FAM168A: variants seen among roughly 807,000 people sequenced by gnomAD.
FAM168A encodes protein FAM168A.
In FAM168A, 3 loss-of-function variants were observed where a neutral mutation model predicts 28.5. The ratio of observed to expected loss-of-function variants is 0.11; its 90% CI spans 0.05 to 0.27. FAM168A has a LOEUF of 0.27. Ranked by LOEUF, FAM168A falls within the 10% of genes least tolerant of loss-of-function variation. The probability of loss-of-function intolerance (pLI) is 1.00; values close to 1 mark genes in which losing one functional copy is unlikely to be tolerated. For missense variants in FAM168A, 222 were observed against 311.5 expected, an observed-to-expected ratio of 0.71 and a Z score of 2.16; for synonymous variants, 122 against 124.2, an observed-to-expected ratio of 0.98 and a Z score of 0.12.
intron 1 of FAM168A, among the ~76,000 whole-genome samples, chr11:73,582,091 C>T (rs984873478): frequency 2.0e-5 from 3 of 152,102 alleles, no homozygotes; most frequent in African/African-American, 2.4e-5. Flanking sequence ...TACTCATCTC[C>T]GTGTATCATC....
intron 2 of FAM168A, among the ~76,000 whole-genome samples, chr11:73,444,909 T>C (rs1867271401): frequency 6.6e-6 from 1 of 152,208 alleles, no homozygotes; most frequent in African/African-American, 2.4e-5. Context: ...CTCTATTTTT[T>C]CTAAAATGAG....
In FAM168A at chr11:73,462,416, A is replaced by G. The variant is rs189539430; in HGVS notation, c.70+5989T>C. On this transcript the variant is annotated intron_variant, in intron 2 of 7. Coordinates refer to ENST00000356467, the MANE Select transcript of FAM168A (RefSeq NM_015159.3). ...AGTCAAATTCATAAAGATAATAAGT[A>G]GGTTGGTGATTGCCAGGAGCTGGGG... Among the ~76,000 whole-genome samples, 395 of 152,302 alleles carry G rather than the reference A, an allele frequency of 2.6e-3. 10 individuals carry two copies. The highest frequency in any genetic ancestry group is 0.024 in the Admixed American group (367 of 15,300).
At chr11:73,464,352 TAA>T (rs377420678) in intron 2 of FAM168A, among the ~76,000 whole-genome samples, 84 of 143,116 alleles carry the variant, frequency 5.9e-4, no homozygotes, top group African/African-American at 8.7e-4. Flanking sequence ...AACACTGGTT[TAA>T]AAAAAAAAAA....
intron 1 of FAM168A, among the ~76,000 whole-genome samples, chr11:73,539,855 G>A (rs1565289299): frequency 6.6e-6 from 1 of 152,246 alleles, no homozygotes. Flanking sequence ...GGTCTTATAA[G>A]GATGGAGGAT....
intron 1 of FAM168A, among the ~76,000 whole-genome samples, chr11:73,534,509 T>C (rs760557299): frequency 6.6e-6 from 1 of 151,858 alleles, no homozygotes; most frequent in Non-Finnish European, 1.5e-5. Flanking sequence ...TTCAAGCAAT[T>C]CTCCTCCCTC....
intron 1 of FAM168A, among the ~76,000 whole-genome samples, chr11:73,583,318 C>A (rs1199614015): frequency 6.6e-6 from 1 of 151,808 alleles, no homozygotes; most frequent in Admixed American, 6.6e-5. Context: ...CAAAAACAAA[C>A]AAACAAAAAA....
intron 1 of FAM168A, among the ~76,000 whole-genome samples, chr11:73,485,505 C>A (rs1202961957): frequency 1.3e-5 from 2 of 152,140 alleles, no homozygotes; most frequent in Non-Finnish European, 2.9e-5. Context: ...CAATCTGAAC[C>A]TTGGACCAGG....
At chr11:73,423,654 C>A (rs919633182) in intron 3 of FAM168A, among the ~76,000 whole-genome samples, 3 of 152,174 alleles carry the variant, frequency 2.0e-5, no homozygotes, top group Non-Finnish European at 4.4e-5. Flanking sequence ...AAGACTCACA[C>A]CTACTACGAA....
chr11:73,420,336 T>A (rs1866770036), intron 3 of FAM168A, among the ~76,000 whole-genome samples: 1 of 152,238 alleles, frequency 6.6e-6, no homozygotes, highest in African/African-American at 2.4e-5. Context: ...AGCCACTTTC[T>A]CATTAATGTG....
chr11:73,417,817 C>T (rs1392327038), intron 4 of FAM168A, among the ~76,000 whole-genome samples: 3 of 152,032 alleles, frequency 2.0e-5, no homozygotes, highest in Non-Finnish European at 4.4e-5. Context: ...CCTCGGCCTC[C>T]CAAAGTGCTG....
At chr11:73,541,050 C>T (rs981822246) in intron 1 of FAM168A, among the ~76,000 whole-genome samples, 2 of 151,952 alleles carry the variant, frequency 1.3e-5, no homozygotes, top group Non-Finnish European at 2.9e-5. Flanking sequence ...ACTAAAAATA[C>T]GAAAATTAGC....
chr11:73,485,683 A>C (rs1243095025), intron 1 of FAM168A, among the ~76,000 whole-genome samples: 1 of 152,166 alleles, frequency 6.6e-6, no homozygotes, highest in African/African-American at 2.4e-5. Flanking sequence ...TTAAAAATTC[A>C]TTCCCTTTAG....
chr11:73,525,238 C>T (rs372123625), intron 1 of FAM168A, among the ~76,000 whole-genome samples: 4 of 152,248 alleles, frequency 2.6e-5, no homozygotes, highest in African/African-American at 7.2e-5. Flanking sequence ...CATACAGACA[C>T]GTACGAACAG....
chr11:73,477,928 GA>G (rs1400998383), intron 1 of FAM168A, among the ~76,000 whole-genome samples: 1 of 90,392 alleles, frequency 1.1e-5, no homozygotes, highest in Admixed American at 1.1e-4. Context: ...TATGTAGATA[GA>G]TAGATAGATA....
intron 1 of FAM168A, among the ~76,000 whole-genome samples, chr11:73,477,500 C>A (rs572438312): frequency 6.6e-6 from 1 of 152,100 alleles, no homozygotes; most frequent in Admixed American, 6.5e-5. Context: ...GAAATACAAT[C>A]AACTTCAAGT....
chr11:73,528,509 A>G (rs1943472981), intron 1 of FAM168A, among the ~76,000 whole-genome samples: 1 of 152,144 alleles, frequency 6.6e-6, no homozygotes, highest in African/African-American at 2.4e-5. Context: ...CATATATATA[A>G]ATATTGTACC....
chr11:73,571,393 G>A (rs1344858121), intron 1 of FAM168A, among the ~76,000 whole-genome samples: 1 of 151,908 alleles, frequency 6.6e-6, no homozygotes, highest in African/African-American at 2.4e-5. Flanking sequence ...TTGCAGGCGC[G>A]CGCCGCCATG....
At chr11:73,534,254 G>A (rs1279542239) in intron 1 of FAM168A, among the ~76,000 whole-genome samples, 1 of 152,186 alleles carries the variant, frequency 6.6e-6, no homozygotes, top group East Asian at 1.9e-4. Context: ...TGGATGAGCA[G>A]AAACTGACTT....
chr11:73,433,379 AT>A (rs1464782920), intron 2 of FAM168A, among the ~76,000 whole-genome samples: 2 of 149,936 alleles, frequency 1.3e-5, no homozygotes, highest in East Asian at 2.0e-4. Context: ...AAAAAAAAAA[AT>A]CAATTTTAAG....
Sources: gnomAD v4.1 joint callset for allele counts (sites outside exome capture counted in the v4.1 genomes callset) on GRCh38, gnomAD v4.1.1 for gene constraint, MANE v1.5 for transcripts, NCBI Gene and HGNC (gene_info 2026-07-23, HGNC 2026-07-21) for gene names.